The following DNAH11 variants were observed in gnomAD, a reference collection of about 807,000 sequenced individuals.
DNAH11 encodes the protein axonemal beta dynein heavy chain 11.
DNAH11 carries 442 observed loss-of-function variants against 526.0 expected under a neutral mutation model. The observed-to-expected ratio is 0.84, with a 90% CI of 0.78 to 0.91. The LOEUF is 0.91. Among genes scored for constraint, DNAH11 ranks in the 40% least tolerant of loss-of-function variants. The pLI, the probability that DNAH11 is intolerant of heterozygous loss-of-function variation, is 0.00. For synonymous variants in DNAH11, 2,461 were observed against 1,935.9 expected (o/e 1.27, Z -7.12); for missense variants, 6,989 against 5,448.7 (o/e 1.28, Z -8.90).
intron 30 of DNAH11, among the ~76,000 whole-genome samples, chr7:21,677,963 GAT>G: frequency 1.3e-5 from 2 of 152,156 alleles, no homozygotes; most frequent in Admixed American, 1.3e-4. Flanking sequence ...ATATATTTTA[GAT>G]ATTAATTCCT....
At chr7:21,720,700 T>A in intron 43 of DNAH11, 25 bp from the exon 44 acceptor site, 1 of 1,532,956 alleles carries the variant, frequency 6.5e-7, no homozygotes, top group Non-Finnish European at 8.8e-7. Context: ...AATGTTGCCT[T>A]ATTTGACTAT....
intron 80 of DNAH11, 126 bp from the exon 81 acceptor site, chr7:21,899,854 C>T: frequency 1.7e-6 from 2 of 1,175,670 alleles, no homozygotes; most frequent in South Asian, 1.6e-5. Flanking sequence ...CCAGCGCAGC[C>T]ATGTGCCAAT....
rs549585242 is a variant in DNAH11, at chr7:21,742,155, A to C, written c.8143A>C (p.Asn2715His). ...HYIFNLRDLS[N>H]VFQGILFASP... is the part of the protein sequence containing the mutation. ...CATCTTTAATCTGAGAGATTTATCA[A>C]ACGTCTTCCAGGTACCTTGACTGCT... The change falls in exon 49 of 82, where the codon AAC becomes CAC. Residue 2715 changes from asparagine (N) to histidine (H), a missense_variant. Asn to His is a moderately conservative substitution (Grantham distance 68, BLOSUM62 1). Transcript: ENST00000409508. 7 of 1,613,766 alleles carry C rather than the reference A, an allele frequency of 4.3e-6. No individual in the cohort carries two copies. The highest frequency in any genetic ancestry group is 5.9e-6 in the Non-Finnish European group (7 of 1,179,800).
intron 67 of DNAH11, among the ~76,000 whole-genome samples, chr7:21,852,910 G>A (rs1172606872): frequency 6.6e-6 from 1 of 152,190 alleles, no homozygotes; most frequent in Admixed American, 6.5e-5. Context: ...GCTGAGGCCT[G>A]CTGGCTTCTA....
intron 25 of DNAH11, among the ~76,000 whole-genome samples, chr7:21,623,201 A>G (rs1786162975): frequency 6.6e-6 from 1 of 152,222 alleles, no homozygotes; most frequent in Non-Finnish European, 1.5e-5. Flanking sequence ...GCAACCAAAA[A>G]ACACATGAAA....
At chr7:21,874,664 C>A (rs1334246932) in intron 74 of DNAH11, among the ~76,000 whole-genome samples, 1 of 151,762 alleles carries the variant, frequency 6.6e-6, no homozygotes, top group Non-Finnish European at 1.5e-5. Flanking sequence ...TAAATTAATA[C>A]ATAAATACAT....
intron 79 of DNAH11, among the ~76,000 whole-genome samples, chr7:21,896,873 A>G (rs1428642369): frequency 6.6e-6 from 1 of 152,180 alleles, no homozygotes; most frequent in African/African-American, 2.4e-5. Flanking sequence ...AGCCTGGGCA[A>G]CATAATGAGA....
chr7:21,744,574 T>C lies in DNAH11; in HGVS notation c.8291T>C (p.Leu2764Pro). Residue 2764 changes from leucine to proline, a missense_variant, in exon 50 of 82, where the codon CTG (leucine) becomes CCG (proline). Physicochemically the swap from Leu to Pro is moderately conservative, Grantham distance 98. Transcript: ENST00000409508. Reference protein sequence around the residue: ...KDCDLFQRRMLETAYKYFEGI... With the variant: ...KDCDLFQRRMPETAYKYFEGI... The stretch of plus-strand genomic sequence containing the variant: ...TGTGATTTGTTTCAGAGAAGAATGC[T>C]GGAAACTGCTTATAAATATTTTGAA... The C allele has an allele frequency of 6.2e-7, 1 of 1,613,436 alleles. No homozygotes were observed. The highest frequency in any genetic ancestry group is 1.7e-5 in the Admixed American group (1 of 59,902).
intron 37 of DNAH11, among the ~76,000 whole-genome samples, chr7:21,703,187 T>C (rs1784133325): frequency 6.6e-6 from 1 of 152,166 alleles, no homozygotes; most frequent in South Asian, 2.1e-4. Flanking sequence ...ATCCATTTCA[T>C]GGGACCTAAG....
Position 21,564,227 on chromosome 7 carries a change from C to T in DNAH11, c.1024C>T (p.Leu342=). ...AQDVELYLRP[L]RRHIQCLQET... ...AGATGTGGAACTTTACCTGAGACCTCTGAGGAGACACATCCAGTGTCTCCA... is the reference window on the plus strand; with the variant it reads ...AGATGTGGAACTTTACCTGAGACCTTTGAGGAGACACATCCAGTGTCTCCA... Residue 342 remains leucine (L), a synonymous_variant, in exon 6 of 82, where the codon CTG becomes TTG. Coordinates refer to ENST00000409508, the MANE Select transcript of DNAH11 (RefSeq NM_001277115.2). The T allele has an allele frequency of 6.2e-7, 1 of 1,610,648 alleles. No homozygotes were observed. Among genetic ancestry groups the T allele is most frequent in the Non-Finnish European group, 8.5e-7 (1 of 1,178,284 alleles).
intron 30 of DNAH11, among the ~76,000 whole-genome samples, chr7:21,667,936 G>A (rs1303903783): frequency 6.6e-6 from 1 of 152,068 alleles, no homozygotes; most frequent in Non-Finnish European, 1.5e-5. Context: ...TCAAAGATGG[G>A]CACTCCTTCC....
At chr7:21,711,903 C>A (rs1274145347) in intron 42 of DNAH11, 43 bp downstream of exon 42, 2 of 1,557,374 alleles carry the variant, frequency 1.3e-6, no homozygotes, top group Admixed American at 3.9e-5. Flanking sequence ...TTGTATGTAA[C>A]ATAACATTTA....
intron 61 of DNAH11, among the ~76,000 whole-genome samples, chr7:21,793,615 CAAAAAA>C (rs35648252): frequency 9.4e-6 from 1 of 106,174 alleles, no homozygotes; most frequent in Admixed American, 9.2e-5. Context: ...GACTCTGTCT[CAAAAAA>C]AAAAAAAAAA....
intron 30 of DNAH11, among the ~76,000 whole-genome samples, chr7:21,678,878 G>A (rs1562486076): frequency 1.3e-5 from 2 of 152,118 alleles, no homozygotes; most frequent in African/African-American, 4.8e-5. Flanking sequence ...TCACTTCTGG[G>A]TATATAGGTA....
intron 39 of DNAH11, among the ~76,000 whole-genome samples, chr7:21,705,845 A>G (rs2128479701): frequency 6.6e-6 from 1 of 152,314 alleles, no homozygotes; most frequent in East Asian, 1.9e-4. Flanking sequence ...GATATACACC[A>G]TCCTACCTTA....
At chr7:21,852,053 G>C (rs906496005) in intron 66 of DNAH11, among the ~76,000 whole-genome samples, 1 of 151,996 alleles carries the variant, frequency 6.6e-6, no homozygotes, top group African/African-American at 2.4e-5. Flanking sequence ...TTAATGTTAA[G>C]GGTGTTTTAT....
At chr7:21,796,284 C>G (rs977162539) in intron 61 of DNAH11, among the ~76,000 whole-genome samples, 26 of 152,130 alleles carry the variant, frequency 1.7e-4, no homozygotes, top group African/African-American at 6.0e-4. Context: ...CAGTAGGGAT[C>G]TGTGAGCCAT....
chr7:21,611,708 G>T (rs1480420815), intron 20 of DNAH11, among the ~76,000 whole-genome samples: 2 of 152,192 alleles, frequency 1.3e-5, no homozygotes, highest in Non-Finnish European at 2.9e-5. Flanking sequence ...ATTAGGCTAA[G>T]AGCATACTTC....
At chr7:21,589,434 A>G (rs1490817437) in intron 12 of DNAH11, 31 bp downstream of exon 12, 7 of 1,532,750 alleles carry the variant, frequency 4.6e-6, no homozygotes, top group Non-Finnish European at 4.4e-6. Flanking sequence ...GATGATTTAT[A>G]AGTGCCCTTT....
Sources: gnomAD v4.1 joint callset for allele counts (sites outside exome capture counted in the v4.1 genomes callset) on GRCh38, gnomAD v4.1.1 for gene constraint, MANE v1.5 for transcripts, NCBI Gene and HGNC (gene_info 2026-07-23, HGNC 2026-07-21) for gene names.